The following TMEM132D variants were observed in gnomAD, a reference collection of about 807,000 sequenced individuals.
TMEM132D encodes transmembrane protein 132D.
A neutral mutation model predicts 62.3 loss-of-function variants in TMEM132D; 21 were observed. The observed-to-expected ratio is 0.34, with a 90% CI of 0.24 to 0.49. The LOEUF (loss-of-function observed/expected upper bound fraction) is 0.49. TMEM132D is among the 20% of genes least tolerant of loss of function. The probability of loss-of-function intolerance (pLI) is 0.99; values close to 1 mark genes in which losing one functional copy is unlikely to be tolerated. For missense variants in TMEM132D, 1,346 were observed against 1,402.8 expected, an observed-to-expected ratio of 0.96 and a Z score of 0.65; for synonymous variants, 621 against 575.6, an observed-to-expected ratio of 1.08 and a Z score of -1.13.
intron 3 of TMEM132D, among the ~76,000 whole-genome samples, chr12:129,392,679 C>T (rs951995754): frequency 6.6e-6 from 1 of 152,174 alleles, no homozygotes; most frequent in African/African-American, 2.4e-5. Flanking sequence ...GGACCCCAGG[C>T]CAGGGCCCAC....
intron 1 of TMEM132D, among the ~76,000 whole-genome samples, chr12:129,880,984 T>C (rs1874574003): frequency 1.3e-5 from 2 of 151,916 alleles, no homozygotes; most frequent in South Asian, 4.2e-4. Flanking sequence ...CGGGAACACA[T>C]TATGAACACA....
chr12:129,463,072 G>A (rs1432661089), intron 3 of TMEM132D, among the ~76,000 whole-genome samples: 6 of 152,274 alleles, frequency 3.9e-5, no homozygotes, highest in African/African-American at 1.4e-4. Context: ...AATCTAGACA[G>A]CATCACTTGT....
chr12:129,624,594 C>G (rs561775463), intron 2 of TMEM132D, among the ~76,000 whole-genome samples: 1 of 152,220 alleles, frequency 6.6e-6, no homozygotes, highest in South Asian at 2.1e-4. Context: ...TGTCAGCCCA[C>G]GCCAATGAGG....
At chr12:129,123,529 T>G (rs1565971584) in intron 5 of TMEM132D, among the ~76,000 whole-genome samples, 1 of 152,178 alleles carries the variant, frequency 6.6e-6, no homozygotes, top group Non-Finnish European at 1.5e-5. Context: ...CCAGGGTCCA[T>G]CCCAAGCCAA....
chr12:129,091,404 T>C (rs907255557), intron 5 of TMEM132D, among the ~76,000 whole-genome samples: 21 of 150,470 alleles, frequency 1.4e-4, no homozygotes, highest in African/African-American at 5.2e-4. Context: ...TTATATAAGC[T>C]CACATGGGCT....
Position 129,081,739 on chromosome 12 carries a change from ATT to A in TMEM132D, c.1923+18_1923+19del, listed in dbSNP as rs34663182. On this transcript the variant is annotated intron_variant, in intron 7 of 8. Coordinates refer to ENST00000422113, the MANE Select transcript of TMEM132D (RefSeq NM_133448.3). The stretch of plus-strand genomic sequence containing the variant: ...AAGACAGAGAGATCTTGATTTGGGG[ATT>A]TTTTTTTTTTTTTTTACCTGAATGG... 0.049 allele frequency: 70,784 copies of A among 1,432,792 alleles called. No individual in the cohort carries two copies. Among genetic ancestry groups the A allele is most frequent in the East Asian group, 0.14 (5,597 of 40,456 alleles). The allele number at this position is 1,432,792 out of a possible 1,614,324, so 88.8% of individuals were successfully genotyped here.
intron 2 of TMEM132D, among the ~76,000 whole-genome samples, chr12:129,618,141 C>T (rs954082963): frequency 6.6e-6 from 1 of 152,258 alleles, no homozygotes; most frequent in Admixed American, 6.5e-5. Context: ...CATAAGCCAA[C>T]GTGAAATGCC....
At chr12:129,496,618 T>C (rs548552015) in intron 3 of TMEM132D, among the ~76,000 whole-genome samples, 163 of 151,956 alleles carry the variant, frequency 1.1e-3, no homozygotes, top group Non-Finnish European at 2.0e-3. Flanking sequence ...GAAAGAGAAA[T>C]ATATGTTTTA....
chr12:129,136,193 A>G (rs1876551376), intron 5 of TMEM132D, among the ~76,000 whole-genome samples: 1 of 152,188 alleles, frequency 6.6e-6, no homozygotes, highest in South Asian at 2.1e-4. Flanking sequence ...AAAATATAGA[A>G]CAGAGAGTTC....
chr12:129,185,721 C>T (rs1878199792), intron 5 of TMEM132D, among the ~76,000 whole-genome samples: 1 of 152,038 alleles, frequency 6.6e-6, no homozygotes. Context: ...CTGTCTCTAT[C>T]TATCTGTCTA....
At chr12:129,641,897 A>G (rs1433445124) in intron 2 of TMEM132D, among the ~76,000 whole-genome samples, 1 of 152,192 alleles carries the variant, frequency 6.6e-6, no homozygotes, top group Non-Finnish European at 1.5e-5. Flanking sequence ...TTAACAGTGC[A>G]AATGTCTCAT....
At chr12:129,513,994 C>G (rs941494619) in intron 3 of TMEM132D, among the ~76,000 whole-genome samples, 1 of 150,778 alleles carries the variant, frequency 6.6e-6, no homozygotes, top group African/African-American at 2.4e-5. Context: ...CCCGCCACCA[C>G]GCCTGGCTAA....
intron 2 of TMEM132D, among the ~76,000 whole-genome samples, chr12:129,633,625 G>A (rs1359245851): frequency 1.3e-5 from 2 of 152,164 alleles, no homozygotes; most frequent in East Asian, 3.9e-4. Flanking sequence ...GGGAATTTAA[G>A]TACATCTGAA....
At chr12:129,473,483 C>T (rs934606048) in intron 3 of TMEM132D, among the ~76,000 whole-genome samples, 1 of 151,762 alleles carries the variant, frequency 6.6e-6, no homozygotes, top group Non-Finnish European at 1.5e-5. Flanking sequence ...GCACTCACCA[C>T]CATGCCTGGC....
At chr12:129,562,953 G>A (rs552614852) in intron 2 of TMEM132D, among the ~76,000 whole-genome samples, 26 of 152,162 alleles carry the variant, frequency 1.7e-4, no homozygotes, top group Admixed American at 1.2e-3. Context: ...ATTCTATTAC[G>A]GCACCTACCA....
chr12:129,642,383 C>A (rs1164764033), intron 2 of TMEM132D, among the ~76,000 whole-genome samples: 1 of 152,246 alleles, frequency 6.6e-6, no homozygotes, highest in African/African-American at 2.4e-5. Context: ...GCATGCATAG[C>A]ATTTGGAAGC....
In TMEM132D at chr12:129,667,904, A is replaced by G. The variant is rs898547772; in HGVS notation, c.968+31906T>C. Reference sequence around the variant, plus strand: ...ATAATTATAATTATTATGTTAACAGACTGTGTACCACAGAGGTAACAAATT... The same window carrying G: ...ATAATTATAATTATTATGTTAACAGGCTGTGTACCACAGAGGTAACAAATT... On this transcript the variant is annotated intron_variant, in intron 2 of 8. Transcript: ENST00000422113. Among the ~76,000 whole-genome samples, 8 of 152,070 alleles carry G rather than the reference A, an allele frequency of 5.3e-5. 1 individual carries two copies. Among genetic ancestry groups the G allele is most frequent in the African/African-American group, 1.7e-4 (7 of 41,538 alleles).
At chr12:129,690,025 CTGTT>C (rs542501286) in intron 2 of TMEM132D, among the ~76,000 whole-genome samples, 47 of 152,168 alleles carry the variant, frequency 3.1e-4, no homozygotes, top group African/African-American at 1.0e-3. Flanking sequence ...TCAACATATA[CTGTT>C]TGTTTAAGCA....
At chr12:129,230,971 T>C (rs908816177) in intron 4 of TMEM132D, among the ~76,000 whole-genome samples, 3 of 152,242 alleles carry the variant, frequency 2.0e-5, no homozygotes, top group Non-Finnish European at 4.4e-5. Flanking sequence ...TCACCTTCAA[T>C]GAAGCCACCA....
Sources: gnomAD v4.1 joint callset for allele counts (sites outside exome capture counted in the v4.1 genomes callset) on GRCh38, gnomAD v4.1.1 for gene constraint, MANE v1.5 for transcripts, NCBI Gene and HGNC (gene_info 2026-07-23, HGNC 2026-07-21) for gene names.